The following GUCY1B1 variants were observed in gnomAD, a reference collection of about 807,000 sequenced individuals.
GUCY1B1 encodes guanylate cyclase soluble subunit beta-1.
A neutral mutation model predicts 71.0 loss-of-function variants in GUCY1B1; 43 were observed. The observed-to-expected ratio is 0.61, with a 90% CI of 0.47 to 0.78. GUCY1B1 has a LOEUF of 0.78. Among genes scored for constraint, GUCY1B1 ranks in the 30% least tolerant of loss-of-function variants. The pLI, the probability that GUCY1B1 is intolerant of heterozygous loss-of-function variation, is 0.00. For synonymous variants in GUCY1B1, 266 were observed against 259.7 expected (o/e 1.02, Z -0.23); for missense variants, 535 against 754.1 (o/e 0.71, Z 3.40).
At chr4:155,785,152 C>A in intron 4 of GUCY1B1, 1 of 515,182 alleles carries the variant, frequency 1.9e-6, no homozygotes. Context: ...GATATTAGAA[C>A]ATTAAGAAAT....
chr4:155,790,519 A>G (rs963670036), intron 5 of GUCY1B1, among the ~76,000 whole-genome samples: 2 of 152,172 alleles, frequency 1.3e-5, no homozygotes, highest in African/African-American at 4.8e-5. Context: ...CAACAAAGAG[A>G]ACCACTGTTT....
chr4:155,797,548 G>T (rs1266955237), intron 8 of GUCY1B1, among the ~76,000 whole-genome samples: 4 of 151,818 alleles, frequency 2.6e-5, no homozygotes, highest in Non-Finnish European at 2.9e-5. Flanking sequence ...GATCAGCCTG[G>T]CAAACATGGT....
At chr4:155,789,644 C>T (rs946292327) in intron 4 of GUCY1B1, 70 bp from the exon 5 acceptor site, 3 of 879,202 alleles carry the variant, frequency 3.4e-6, no homozygotes, top group Non-Finnish European at 5.4e-6. Context: ...GTTTTCATAT[C>T]TTGCTTTCCC....
rs1484903649 is a variant in GUCY1B1 at position 155,799,859 on chromosome 4, C to T, written c.978-18C>T. 2.6e-6 allele frequency: 4 copies of T among 1,534,884 alleles called. No homozygotes were observed. The highest frequency in any genetic ancestry group is 1.8e-4 in the Middle Eastern group (1 of 5,426). On this transcript the variant is annotated intron_variant, in intron 8 of 13. Coordinates refer to ENST00000264424, the MANE Select transcript of GUCY1B1 (RefSeq NM_000857.5). Reference sequence around the variant, plus strand: ...ATATAAGTTGAGACTGATCTTGCCTCATTTCTCCATATGACAGTGTCATGA... The same window carrying T: ...ATATAAGTTGAGACTGATCTTGCCTTATTTCTCCATATGACAGTGTCATGA...
intron 4 of GUCY1B1, among the ~76,000 whole-genome samples, chr4:155,787,798 C>T (rs1190580849): frequency 6.6e-6 from 1 of 152,166 alleles, no homozygotes; most frequent in Non-Finnish European, 1.5e-5. Context: ...TGGACACCCG[C>T]GGAATCATCT....
At chr4:155,801,643 A>C (rs1019241701) in intron 9 of GUCY1B1, among the ~76,000 whole-genome samples, 1 of 152,184 alleles carries the variant, frequency 6.6e-6, no homozygotes, top group African/African-American at 2.4e-5. Flanking sequence ...GTTCCTCTTC[A>C]GTCTTCCAAT....
chr4:155,776,532 TG>T (rs1197906739), intron 3 of GUCY1B1, among the ~76,000 whole-genome samples: 1 of 151,994 alleles, frequency 6.6e-6, no homozygotes, highest in African/African-American at 2.4e-5. Flanking sequence ...TATCCAGGTG[TG>T]GTGGTGGGTT....
At chr4:155,790,471 T>G (rs1245262003) in intron 5 of GUCY1B1, among the ~76,000 whole-genome samples, 1 of 152,098 alleles carries the variant, frequency 6.6e-6, no homozygotes, top group East Asian at 1.9e-4. Flanking sequence ...ACTCTTAGTT[T>G]TGAGTGATGA....
intron 6 of GUCY1B1, among the ~76,000 whole-genome samples, chr4:155,794,912 T>G (rs1415857015): frequency 6.6e-6 from 1 of 152,186 alleles, no homozygotes; most frequent in Non-Finnish European, 1.5e-5. Flanking sequence ...AATCAATCAG[T>G]GTTACCTATT....
intron 4 of GUCY1B1, among the ~76,000 whole-genome samples, chr4:155,788,728 G>A (rs1415900833): frequency 6.6e-6 from 1 of 152,146 alleles, no homozygotes; most frequent in African/African-American, 2.4e-5. Context: ...TAGAAAAATT[G>A]GGCGAATTGG....
At chr4:155,781,273 T>A (rs1738397210) in intron 4 of GUCY1B1, among the ~76,000 whole-genome samples, 1 of 152,224 alleles carries the variant, frequency 6.6e-6, no homozygotes, top group African/African-American at 2.4e-5. Context: ...TAATACCTCT[T>A]TTGCTTAAAT....
At chr4:155,760,169 C>T (rs1395321730) in intron 2 of GUCY1B1, among the ~76,000 whole-genome samples, 2 of 152,240 alleles carry the variant, frequency 1.3e-5, no homozygotes, top group African/African-American at 4.8e-5. Flanking sequence ...CTCAGCAGGC[C>T]GGGCAGCTCC....
chr4:155,786,357 T>A, intron 4 of GUCY1B1, among the ~76,000 whole-genome samples: 2 of 138,686 alleles, frequency 1.4e-5, no homozygotes, highest in South Asian at 2.4e-4. Context: ...CACTGCAACC[T>A]CCACCTCCTG....
rs1366629991 is a variant in GUCY1B1, at chr4:155,795,328, A to G, written c.727-13A>G. The G allele has an allele frequency of 4.3e-6, 6 of 1,382,494 alleles. No individual in the cohort carries two copies. The highest frequency in any genetic ancestry group is 2.8e-5 in the African/African-American group (2 of 70,224). 85.6% of individuals were successfully genotyped at this position (1,382,494 alleles called of 1,614,324 possible). On this transcript the variant is annotated splice_polypyrimidine_tract_variant and intron_variant, in intron 6 of 13. Coordinates refer to ENST00000264424, the MANE Select transcript of GUCY1B1 (RefSeq NM_000857.5). ...ACTGATGTGATACTCTTTGCTCTCT[A>G]TCTATATTTTAGCTCCAGCCTGGGA...
rs545171986 is a variant in GUCY1B1 at position 155,803,583 on chromosome 4, T to C, written c.1414-41T>C. On this transcript the variant is annotated intron_variant, in intron 10 of 13. Transcript: ENST00000264424. ...TTAGGGTAATAAATGAAACAGTCTTTTTTATGCTAACCGTGAACATCTAAA... is the reference window on the plus strand; with the variant it reads ...TTAGGGTAATAAATGAAACAGTCTTCTTTATGCTAACCGTGAACATCTAAA... The C allele has an allele frequency of 7.0e-5, 96 of 1,365,226 alleles. 1 individual carries two copies. In the South Asian group the frequency reaches 1.7e-3, roughly 24 times the overall value. The allele number at this position is 1,365,226 out of a possible 1,614,324, so 84.6% of individuals were successfully genotyped here.
rs1275525441 is a variant in GUCY1B1 at position 155,796,433 on chromosome 4, G to A, written c.900G>A (p.Glu300=). 10 of 1,612,522 alleles carry A rather than the reference G, an allele frequency of 6.2e-6. No homozygotes were observed. The highest frequency in any genetic ancestry group is 7.6e-6 in the Non-Finnish European group (9 of 1,178,568). ...GTGAGGATGAACTGACTGGGACTGA[G>A]ATCAGCTGCTTACGTCTCAAGGGTC... ...LECEDELTGT[E]ISCLRLKGQM... Residue 300 remains glutamate (E), a synonymous_variant, in exon 8 of 14, where the codon GAG becomes GAA. Coordinates refer to ENST00000264424, the MANE Select transcript of GUCY1B1 (RefSeq NM_000857.5).
At chr4:155,805,575 C>G (rs1358840922) in intron 13 of GUCY1B1, among the ~76,000 whole-genome samples, 2 of 152,120 alleles carry the variant, frequency 1.3e-5, no homozygotes, top group South Asian at 2.1e-4. Flanking sequence ...CTTTCCTCAG[C>G]TCTCTAAGTT....
intron 9 of GUCY1B1, among the ~76,000 whole-genome samples, chr4:155,801,729 A>G (rs759776146): frequency 1.2e-4 from 18 of 152,122 alleles, no homozygotes; most frequent in Non-Finnish European, 2.2e-4. Flanking sequence ...GTGTGCTCAC[A>G]TTTGTCCCTT....
chr4:155,771,684 CTATT>C (rs1270842108), intron 2 of GUCY1B1, among the ~76,000 whole-genome samples: 2 of 152,068 alleles, frequency 1.3e-5, no homozygotes, highest in Admixed American at 1.3e-4. Context: ...ATCCGTCAAA[CTATT>C]TATCCCATTC....
Sources: gnomAD v4.1 joint callset for allele counts (sites outside exome capture counted in the v4.1 genomes callset) on GRCh38, gnomAD v4.1.1 for gene constraint, MANE v1.5 for transcripts, NCBI Gene and HGNC (gene_info 2026-07-23, HGNC 2026-07-21) for gene names.